Variants in ZHX3 observed in about 807,000 individuals in gnomAD.
ZHX3 encodes zinc fingers and homeoboxes protein 3.
ZHX3 carries 20 observed loss-of-function variants against 64.5 expected under a neutral mutation model. The observed-to-expected ratio is 0.31, with a 90% CI of 0.22 to 0.45. ZHX3 has a LOEUF of 0.45. Among genes scored for constraint, ZHX3 ranks in the 20% least tolerant of loss-of-function variants. The pLI is 1.00. For synonymous variants in ZHX3, 423 were observed against 461.6 expected (o/e 0.92, Z 1.07); for missense variants, 1,041 against 1,195.8 (o/e 0.87, Z 1.91).
chr20:41,275,408 G>C (rs892639913), intron 1 of ZHX3, among the ~76,000 whole-genome samples: 5 of 152,124 alleles, frequency 3.3e-5, no homozygotes, highest in Non-Finnish European at 5.9e-5. Flanking sequence ...GTTTTCACCA[G>C]GAAGTTTAAG....
intron 2 of ZHX3, among the ~76,000 whole-genome samples, chr20:41,259,615 G>T (rs2042452262): frequency 6.6e-6 from 1 of 152,066 alleles, no homozygotes; most frequent in South Asian, 2.1e-4. Flanking sequence ...GACTTTGCAT[G>T]ACTCCATTTT....
At chr20:41,277,378 A>T (rs991602105) in intron 1 of ZHX3, among the ~76,000 whole-genome samples, 4 of 152,168 alleles carry the variant, frequency 2.6e-5, no homozygotes, top group African/African-American at 7.2e-5. Flanking sequence ...TAATGGCACG[A>T]AGTCAGTTTT....
At chr20:41,246,859 C>G (rs1298949656) in intron 2 of ZHX3, among the ~76,000 whole-genome samples, 2 of 145,474 alleles carry the variant, frequency 1.4e-5, no homozygotes, top group African/African-American at 2.6e-5. Context: ...AGGGACAGAG[C>G]AAGACTCCAT....
At position 41,201,465 on chromosome 20, in the gene ZHX3, A is replaced by T. The variant is rs530688866; in HGVS notation, c.2860+592T>A. 4.0e-5 allele frequency: 46 copies of T among 1,145,026 alleles called. No homozygotes were observed. In the African/African-American group the frequency reaches 6.4e-4, roughly 16 times the overall value. The allele number at this position is 1,145,026 out of a possible 1,614,324, so 70.9% of individuals were successfully genotyped here. ...AAATAAAAATAATCTTCTATGATAC[A>T]TTTTGCTTTCGAGTACAATCCAGAG... On this transcript the variant is annotated intron_variant, in intron 3 of 3. Transcript: ENST00000683867. This position sits in a 1 kb window ranked among gnomAD's most constrained non-coding sequence, Gnocchi z 5.0.
chr20:41,206,620 A>G (rs1600773826), intron 2 of ZHX3, among the ~76,000 whole-genome samples: 2 of 152,314 alleles, frequency 1.3e-5, no homozygotes, highest in South Asian at 4.1e-4. Context: ...AAAGAAACGA[A>G]CAAAGCCTCC....
chr20:41,244,478 C>T (rs1291549211), intron 2 of ZHX3, among the ~76,000 whole-genome samples: 2 of 152,102 alleles, frequency 1.3e-5, no homozygotes, highest in African/African-American at 4.8e-5. Flanking sequence ...CAAGTCTAGC[C>T]TAGGCAATAG....
chr20:41,247,492 T>C (rs2041768378), intron 2 of ZHX3, among the ~76,000 whole-genome samples: 1 of 152,146 alleles, frequency 6.6e-6, no homozygotes, highest in Non-Finnish European at 1.5e-5. Flanking sequence ...TAGGGCCCAC[T>C]ATAAAAATTA....
At chr20:41,284,010 T>C (rs1168944443) in intron 1 of ZHX3, among the ~76,000 whole-genome samples, 1 of 152,190 alleles carries the variant, frequency 6.6e-6, no homozygotes, top group Non-Finnish European at 1.5e-5. Flanking sequence ...ATTTATGTAA[T>C]TTTAAAAAAG....
chr20:41,301,882 G>A (rs1000710300), intron 1 of ZHX3, among the ~76,000 whole-genome samples: 2 of 151,260 alleles, frequency 1.3e-5, no homozygotes, highest in Non-Finnish European at 2.9e-5. Flanking sequence ...GTGAAACCCC[G>A]TCTCTACTAA....
intron 1 of ZHX3, among the ~76,000 whole-genome samples, chr20:41,281,881 G>A (rs1457133914): frequency 2.0e-5 from 3 of 152,186 alleles, no homozygotes; most frequent in African/African-American, 7.2e-5. Context: ...AATGTAGAGT[G>A]GATGGGAGTG....
rs2036243232 is a variant in ZHX3 at position 41,181,273 on chromosome 20, T to C, written c.*3918A>G. 1 of 152,198 alleles carries C rather than the reference T, an allele frequency of 6.6e-6. No homozygotes were observed. Among genetic ancestry groups the C allele is most frequent in the Non-Finnish European group, 1.5e-5 (1 of 68,034 alleles). 9.4% of individuals were successfully genotyped at this position (152,198 alleles called of 1,614,324 possible). Reference sequence around the variant, plus strand: ...TAGAGGATTTTTCTTCTCCAGCATATAACTACCTTGAGAATGGATGTGATA... The same window carrying C: ...TAGAGGATTTTTCTTCTCCAGCATACAACTACCTTGAGAATGGATGTGATA... On this transcript the variant is annotated 3_prime_UTR_variant, in exon 4 of 4. Coordinates refer to ENST00000683867, the MANE Select transcript of ZHX3 (RefSeq NM_001384317.1).
At chr20:41,269,227 A>G (rs373394009) in intron 1 of ZHX3, 144 bp from the exon 2 acceptor site, 2 of 152,354 alleles carry the variant, frequency 1.3e-5, no homozygotes, top group South Asian at 2.1e-4. Context: ...GGTGAAAAAG[A>G]GGTTATCAAA....
intron 2 of ZHX3, among the ~76,000 whole-genome samples, chr20:41,249,107 C>A (rs1040884407): frequency 6.6e-6 from 1 of 152,102 alleles, no homozygotes; most frequent in African/African-American, 2.4e-5. Flanking sequence ...TTTAAAGGTA[C>A]ATTTACTTTG....
rs1331584175 is a variant in ZHX3, at chr20:41,317,639, G to A, written c.-375C>T. 6.7e-6 allele frequency: 1 copy of A among 150,080 alleles called. No homozygotes were observed. The highest frequency in any genetic ancestry group is 1.5e-5 in the Non-Finnish European group (1 of 67,262). The allele number at this position is 150,080 out of a possible 1,614,324, so 9.3% of individuals were successfully genotyped here. On this transcript the variant is annotated 5_prime_UTR_variant, in exon 1 of 4. Transcript: ENST00000683867. Reference sequence around the variant, plus strand: ...CGGCGGCGGCGGCGACGCCGGAGCCGCGGACTGCTGAGCGGCGGGGACGCA... The same window carrying A: ...CGGCGGCGGCGGCGACGCCGGAGCCACGGACTGCTGAGCGGCGGGGACGCA...
intron 2 of ZHX3, among the ~76,000 whole-genome samples, chr20:41,241,691 T>G (rs547593658): frequency 1.3e-5 from 2 of 152,164 alleles, no homozygotes; most frequent in Non-Finnish European, 2.9e-5. Context: ...ATTCTTCCAG[T>G]TTTGTTCTTT....
At chr20:41,236,117 A>G (rs559331020) in intron 2 of ZHX3, among the ~76,000 whole-genome samples, 2,947 of 152,308 alleles carry the variant, frequency 0.019, 102 homozygotes, top group African/African-American at 0.066. Flanking sequence ...CAATGAAATA[A>G]AAGAGGATAC....
Position 41,202,424 on chromosome 20 carries a change from C to T in ZHX3, c.2493G>A (p.Lys831=), listed in dbSNP as rs1404391846. ...GTAGCCCTGGTGGGAAGTTGCCTCGCTTATAGTCTTCGTACCATTTGAGTT... is the reference window on the plus strand; with the variant it reads ...GTAGCCCTGGTGGGAAGTTGCCTCGTTTATAGTCTTCGTACCATTTGAGTT... ...NGQLKWYEDY[K]RGNFPPGLLV... Residue 831 remains lysine, a synonymous_variant, in exon 3 of 4, where the codon AAG becomes AAA. Coordinates refer to ENST00000683867, the MANE Select transcript of ZHX3 (RefSeq NM_001384317.1). The surrounding 1 kb of genome is among the most constrained non-coding windows in gnomAD (Gnocchi z 7.0). 8 of 1,614,208 alleles carry T rather than the reference C, an allele frequency of 5.0e-6. No homozygotes were observed. The Admixed American group carries it at 6.7e-5, about 13-fold the overall frequency.
rs866391452 is a variant in ZHX3, at chr20:41,195,684, G to C, written c.2860+6373C>G. Among the ~76,000 whole-genome samples, 3 of 152,162 alleles carry C rather than the reference G, an allele frequency of 2.0e-5. No homozygotes were observed. The highest frequency in any genetic ancestry group is 7.2e-5 in the African/African-American group (3 of 41,434). On this transcript the variant is annotated intron_variant, in intron 3 of 3. Coordinates refer to ENST00000683867, the MANE Select transcript of ZHX3 (RefSeq NM_001384317.1). This position sits in a 1 kb window ranked among gnomAD's most constrained non-coding sequence, Gnocchi z 4.2. Reference sequence around the variant, plus strand: ...ACCCACCTTAGCCTCCCAAAGTGTGGGGATTACAGGCATAAGCCACTGCGC... The same window carrying C: ...ACCCACCTTAGCCTCCCAAAGTGTGCGGATTACAGGCATAAGCCACTGCGC...
chr20:41,268,800 T>C (rs1799135963), intron 2 of ZHX3, among the ~76,000 whole-genome samples, 190 bp downstream of exon 2: 1 of 152,006 alleles, frequency 6.6e-6, no homozygotes, highest in South Asian at 2.1e-4. Context: ...TTTAGATTAA[T>C]CCAAAAAAGA....
Sources: allele counts gnomAD v4.1 joint callset (sites outside exome capture counted in the v4.1 genomes callset), GRCh38; gene constraint gnomAD v4.1.1; non-coding constraint Gnocchi (gnomAD v3.1); transcripts MANE v1.5; gene names NCBI Gene and HGNC (gene_info 2026-07-23, HGNC 2026-07-21).